Variants in PRICKLE1 observed in about 807,000 individuals in gnomAD.
PRICKLE1 encodes the protein prickle-like protein 1.
A neutral mutation model predicts 70.2 loss-of-function variants in PRICKLE1; 14 were observed. That is an observed-to-expected ratio of 0.20 (90% CI 0.13 to 0.31). The LOEUF (loss-of-function observed/expected upper bound fraction) is 0.31, where lower values mean the gene tolerates loss of function less well. Ranked by LOEUF, PRICKLE1 falls within the 10% of genes least tolerant of loss-of-function variation. The probability of loss-of-function intolerance (pLI) is 1.00; values close to 1 mark genes in which losing one functional copy is unlikely to be tolerated. For synonymous variants in PRICKLE1, 357 were observed against 379.9 expected (o/e 0.94, Z 0.70); for missense variants, 821 against 1,026.2 (o/e 0.80, Z 2.73).
intron 1 of PRICKLE1, among the ~76,000 whole-genome samples, chr12:42,533,701 G>C (rs1419919796): frequency 2.0e-5 from 3 of 152,086 alleles, no homozygotes; most frequent in African/African-American, 7.2e-5. Flanking sequence ...GAGAGAGAGA[G>C]AGAAAATACA....
intron 1 of PRICKLE1, among the ~76,000 whole-genome samples, chr12:42,500,659 A>ATTTT (rs1386209666): frequency 2.9e-5 from 4 of 136,538 alleles, no homozygotes; most frequent in Admixed American, 2.3e-4. Context: ...TTTTTCATTA[A>ATTTT]TTTTCTTTTT....
In PRICKLE1 at chr12:42,468,615, C is replaced by G. The variant is rs1566084330; in HGVS notation, c.588+11G>C. On this transcript the variant is annotated intron_variant, in intron 5 of 7. Coordinates refer to ENST00000345127, the MANE Select transcript of PRICKLE1 (RefSeq NM_153026.3). The stretch of plus-strand genomic sequence containing the variant: ...ATTTTTCCCAGTGTGAAAGGATGAA[C>G]TTTTTTTTACCTCGTCACATGCTGA... The G allele has an allele frequency of 6.2e-7, 1 of 1,612,202 alleles. No homozygotes were observed. The highest frequency in any genetic ancestry group is 1.7e-5 in the Admixed American group (1 of 59,986).
chr12:42,487,083 C>T (rs1033325209), intron 1 of PRICKLE1, among the ~76,000 whole-genome samples: 2 of 152,164 alleles, frequency 1.3e-5, no homozygotes, highest in African/African-American at 4.8e-5. Context: ...CCCTTGGGAT[C>T]CTACATCTTA....
chr12:42,470,638 G>A (rs1160175705), intron 2 of PRICKLE1, among the ~76,000 whole-genome samples: 1 of 151,424 alleles, frequency 6.6e-6, no homozygotes, highest in African/African-American at 2.5e-5. Flanking sequence ...CGGTGGTGTG[G>A]CTCACGCCTG....
intron 1 of PRICKLE1, among the ~76,000 whole-genome samples, chr12:42,475,197 T>C (rs1938474832): frequency 6.6e-6 from 1 of 152,256 alleles, no homozygotes; most frequent in Non-Finnish European, 1.5e-5. Flanking sequence ...GAGGATTGAC[T>C]GTCATTCATG....
intron 1 of PRICKLE1, among the ~76,000 whole-genome samples, chr12:42,479,030 C>T (rs1938688237): frequency 6.6e-6 from 1 of 152,296 alleles, no homozygotes; most frequent in African/African-American, 2.4e-5. Context: ...AGTCAACAAA[C>T]ATCTTGAGAC....
At chr12:42,462,981 C>A (rs1937916898) in intron 7 of PRICKLE1, among the ~76,000 whole-genome samples, 1 of 152,170 alleles carries the variant, frequency 6.6e-6, no homozygotes, top group South Asian at 2.1e-4. Context: ...AGCTCAGGGT[C>A]ATTTTAAAGA....
chr12:42,568,946 T>C (rs775257497), intron 1 of PRICKLE1, among the ~76,000 whole-genome samples: 7 of 152,214 alleles, frequency 4.6e-5, no homozygotes, highest in Non-Finnish European at 1.0e-4. Context: ...GTCCCATCTC[T>C]CAGAGAGCAA....
chr12:42,514,660 C>G (rs1053462821), intron 1 of PRICKLE1, among the ~76,000 whole-genome samples: 1 of 152,000 alleles, frequency 6.6e-6, no homozygotes, highest in Admixed American at 6.6e-5. Context: ...TTTGTTTGCC[C>G]CTCGTGACCT....
intron 1 of PRICKLE1, among the ~76,000 whole-genome samples, chr12:42,527,631 C>G (rs1939828840): frequency 2.0e-5 from 3 of 152,216 alleles, no homozygotes; most frequent in South Asian, 4.1e-4. Context: ...AGAGAGGGTA[C>G]TTAACAAATG....
chr12:42,506,846 C>T (rs889908452), intron 1 of PRICKLE1, among the ~76,000 whole-genome samples: 1 of 152,152 alleles, frequency 6.6e-6, no homozygotes, highest in Non-Finnish European at 1.5e-5. Context: ...GTTGGGATTA[C>T]AGGTGTGAGC....
chr12:42,516,043 C>T (rs557526448), intron 1 of PRICKLE1, among the ~76,000 whole-genome samples: 21 of 152,056 alleles, frequency 1.4e-4, no homozygotes, highest in Non-Finnish European at 2.4e-4. Flanking sequence ...CTTTTCTCTC[C>T]GATTTTGCAT....
intron 1 of PRICKLE1, among the ~76,000 whole-genome samples, chr12:42,476,434 G>A (rs1200403653): frequency 2.6e-5 from 4 of 151,622 alleles, no homozygotes; most frequent in Admixed American, 6.6e-5. Flanking sequence ...TGCCCACTTC[G>A]GCCTCTCAAA....
chr12:42,556,513 A>G (rs1427664908), intron 1 of PRICKLE1, among the ~76,000 whole-genome samples: 2 of 152,210 alleles, frequency 1.3e-5, no homozygotes, highest in Non-Finnish European at 1.5e-5. Flanking sequence ...TCATGCAGCT[A>G]CTATCTAAGC....
At chr12:42,560,106 T>A (rs1239796081) in intron 1 of PRICKLE1, among the ~76,000 whole-genome samples, 16 of 38,648 alleles carry the variant, frequency 4.1e-4, no homozygotes, top group African/African-American at 1.5e-3. Context: ...CTCCTTTAAT[T>A]ATTATTATTA....
At chr12:42,491,012 T>A (rs575163472) in intron 1 of PRICKLE1, among the ~76,000 whole-genome samples, 6 of 151,508 alleles carry the variant, frequency 4.0e-5, no homozygotes, top group Non-Finnish European at 7.4e-5. Context: ...TTAGCTGGGA[T>A]TACAGGTATG....
chr12:42,470,434 C>T, intron 2 of PRICKLE1, 75 bp from the exon 3 acceptor site: 4 of 1,042,792 alleles, frequency 3.8e-6, no homozygotes, highest in Non-Finnish European at 6.0e-6. Context: ...TTAAAAGTTA[C>T]CTTTCCCTAG....
At chr12:42,556,268 T>G (rs1177704138) in intron 1 of PRICKLE1, among the ~76,000 whole-genome samples, 5 of 152,172 alleles carry the variant, frequency 3.3e-5, no homozygotes, top group African/African-American at 9.7e-5. Flanking sequence ...GCCTCAAATG[T>G]TTGTGAGGCC....
At chr12:42,504,968 G>A (rs1939381445) in intron 1 of PRICKLE1, among the ~76,000 whole-genome samples, 1 of 150,888 alleles carries the variant, frequency 6.6e-6, no homozygotes, top group Non-Finnish European at 1.5e-5. Context: ...GATGAAACCC[G>A]GTCTCTACTA....
Sources: allele counts gnomAD v4.1 joint callset (sites outside exome capture counted in the v4.1 genomes callset), GRCh38; gene constraint gnomAD v4.1.1; transcripts MANE v1.5; gene names NCBI Gene and HGNC (gene_info 2026-07-23, HGNC 2026-07-21).